HIVEP3: variants seen among roughly 807,000 people sequenced by gnomAD.
The protein encoded by HIVEP3 is transcription factor HIVEP3.
A neutral mutation model predicts 152.8 loss-of-function variants in HIVEP3; 49 were observed. The ratio of observed to expected loss-of-function variants is 0.32; its 90% CI spans 0.26 to 0.41. The LOEUF is 0.41. HIVEP3 is among the 10% of genes least tolerant of loss of function. The pLI, the probability that HIVEP3 is intolerant of heterozygous loss-of-function variation, is 1.00. For synonymous variants in HIVEP3, 1,269 were observed against 1,289.0 expected (o/e 0.98, Z 0.33); for missense variants, 2,790 against 3,103.3 (o/e 0.90, Z 2.40).
Position 41,641,034 on chromosome 1 carries a change from G to T in HIVEP3, c.-720-12087C>A, listed in dbSNP as rs1485976308. On this transcript the variant is annotated intron_variant, in intron 2 of 8. Coordinates refer to ENST00000372583, the MANE Select transcript of HIVEP3 (RefSeq NM_024503.5). ...GGGGTAAGAACAAAATGGTACGGTTGGCTTCCCAGAAAAATCCACCTTCTC... is the reference window on the plus strand; with the variant it reads ...GGGGTAAGAACAAAATGGTACGGTTTGCTTCCCAGAAAAATCCACCTTCTC... Among the ~76,000 whole-genome samples the T allele has an allele frequency of 2.0e-5, 3 of 152,188 alleles. No homozygotes were observed. The East Asian group carries it at 5.8e-4, about 29-fold the overall frequency.
At chr1:41,693,967 G>A (rs1056390479) in intron 2 of HIVEP3, among the ~76,000 whole-genome samples, 1 of 152,004 alleles carries the variant, frequency 6.6e-6, no homozygotes, top group Non-Finnish European at 1.5e-5. Flanking sequence ...ATCTACTTCT[G>A]GGCTCTCTGT....
At chr1:41,724,649 C>T (rs1244735597) in intron 1 of HIVEP3, among the ~76,000 whole-genome samples, 6 of 152,172 alleles carry the variant, frequency 3.9e-5, no homozygotes, top group Admixed American at 1.3e-4. Flanking sequence ...GGCAGCTCCA[C>T]GTCAGTGAGA....
intron 2 of HIVEP3, among the ~76,000 whole-genome samples, chr1:41,663,260 C>A (rs952285552): frequency 6.6e-6 from 1 of 152,222 alleles, no homozygotes; most frequent in African/African-American, 2.4e-5. Context: ...AGGGCTGGCC[C>A]TGGGTTTGGC....
rs970171953 is a variant in HIVEP3 at position 41,509,170 on chromosome 1, G to T, written c.*1281C>A. The T allele has an allele frequency of 1.3e-5, 2 of 152,150 alleles. No homozygotes were observed. Among genetic ancestry groups the T allele is most frequent in the Non-Finnish European group, 2.9e-5 (2 of 68,042 alleles). 9.4% of individuals were successfully genotyped at this position (152,150 alleles called of 1,614,324 possible). On this transcript the variant is annotated 3_prime_UTR_variant, in exon 9 of 9. Transcript: ENST00000372583. ...TTAGGACAATTCAAAAATCCTCTAG[G>T]TCAAAAGAATCTGTGGTGGCTGGGT...
At chr1:41,855,834 G>A (rs1451607845) in intron 1 of HIVEP3, among the ~76,000 whole-genome samples, 1 of 152,190 alleles carries the variant, frequency 6.6e-6, no homozygotes, top group Non-Finnish European at 1.5e-5. Flanking sequence ...TAATTGTCTT[G>A]GTGATGGCCA....
At chr1:41,835,447 G>A (rs1383574885) in intron 1 of HIVEP3, among the ~76,000 whole-genome samples, 1 of 152,180 alleles carries the variant, frequency 6.6e-6, no homozygotes, top group Non-Finnish European at 1.5e-5. Context: ...AATCCTATTA[G>A]TGACTCTTAT....
At chr1:41,896,241 A>G (rs1276388110) in intron 1 of HIVEP3, among the ~76,000 whole-genome samples, 1 of 152,238 alleles carries the variant, frequency 6.6e-6, no homozygotes, top group Admixed American at 6.5e-5. Context: ...AAAACTCTCA[A>G]TACATAGTAG....
chr1:41,940,800 G>C (rs1557531408), intron 1 of HIVEP3, among the ~76,000 whole-genome samples: 2 of 151,858 alleles, frequency 1.3e-5, no homozygotes, highest in African/African-American at 2.4e-5. Flanking sequence ...AGTATAACAG[G>C]AGAGCATGAA....
intron 3 of HIVEP3, 108 bp downstream of exon 3, chr1:41,628,641 T>G: frequency 1.1e-6 from 1 of 882,868 alleles, no homozygotes; most frequent in Non-Finnish European, 1.5e-6. Flanking sequence ...ACGATAACAC[T>G]AATAATAACA....
In HIVEP3 at chr1:41,843,481, T is replaced by A. The variant is rs148181772; in HGVS notation, c.-801+74932A>T. Among the ~76,000 whole-genome samples the A allele has an allele frequency of 2.4e-3, 358 of 151,840 alleles. 1 individual carries two copies. The highest frequency in any genetic ancestry group is 8.4e-3 in the African/African-American group (346 of 41,358). On this transcript the variant is annotated intron_variant, in intron 1 of 8. Coordinates refer to ENST00000372583, the MANE Select transcript of HIVEP3 (RefSeq NM_024503.5). ...TCCGCAATGCTTAGGGAACACGCCATCCTCCCACAAACTCCAGTAAAGAAT... is the reference window on the plus strand; with the variant it reads ...TCCGCAATGCTTAGGGAACACGCCAACCTCCCACAAACTCCAGTAAAGAAT...
chr1:41,695,261 A>G (rs913908668), intron 2 of HIVEP3, among the ~76,000 whole-genome samples: 2 of 152,162 alleles, frequency 1.3e-5, no homozygotes, highest in African/African-American at 2.4e-5. Flanking sequence ...GGCCCTCCAG[A>G]GTCCTCCTCC....
intron 1 of HIVEP3, among the ~76,000 whole-genome samples, chr1:41,979,260 C>G (rs552508350): frequency 1.3e-5 from 2 of 152,204 alleles, no homozygotes; most frequent in African/African-American, 2.4e-5. Context: ...ACTTGGTTCT[C>G]GCTGCTCTCC....
At chr1:41,956,739 T>C (rs75470308) in intron 1 of HIVEP3, among the ~76,000 whole-genome samples, 346 of 152,318 alleles carry the variant, frequency 2.3e-3, no homozygotes, top group African/African-American at 7.9e-3. Flanking sequence ...TTGAAATCCA[T>C]TTTTAATTTT....
intron 1 of HIVEP3, among the ~76,000 whole-genome samples, chr1:41,851,717 GA>G (rs1198231222): frequency 2.0e-5 from 3 of 152,222 alleles, no homozygotes; most frequent in Non-Finnish European, 4.4e-5. Flanking sequence ...CGTGGAAGGA[GA>G]AAAACGTGCC....
chr1:41,989,361 T>C (rs1466329214), intron 1 of HIVEP3, among the ~76,000 whole-genome samples: 1 of 152,154 alleles, frequency 6.6e-6, no homozygotes, highest in Non-Finnish European at 1.5e-5. Context: ...TTTGTATTTG[T>C]CAATTTAAAA....
intron 1 of HIVEP3, among the ~76,000 whole-genome samples, chr1:41,803,495 G>T (rs1370677410): frequency 6.6e-6 from 1 of 152,164 alleles, no homozygotes; most frequent in Admixed American, 6.5e-5. Flanking sequence ...GCCCTGACAT[G>T]TCTGCAAAGT....
At chr1:41,908,745 C>A (rs756360600) in intron 1 of HIVEP3, among the ~76,000 whole-genome samples, 2 of 152,142 alleles carry the variant, frequency 1.3e-5, no homozygotes, top group African/African-American at 4.8e-5. Context: ...GTTAGTAAGA[C>A]GTATTCAGTG....
Position 41,510,720 on chromosome 1 carries a change from G to C in HIVEP3, c.6952C>G (p.Pro2318Ala). The change falls in exon 9 of 9, where the codon CCG (proline) becomes GCG (alanine). Residue 2318 changes from proline (P) to alanine (A), a missense_variant. Pro to Ala is a conservative substitution (Grantham distance 27). This residue lies in a region of HIVEP3 where 816 missense variants were observed against 806.5 expected (regional missense o/e 1.01). Transcript: ENST00000372583. The part of the protein sequence containing the change: ...PCTPPDTLPR[P>A]PQGRRAAQSW... ...TGCGCTGCCCGGCGTCCCTGGGGCG[G>C]CCGGGGCAAGGTGTCGGGTGGGGTG... 1 of 1,537,178 alleles carries C rather than the reference G, an allele frequency of 6.5e-7. No individual in the cohort carries two copies.
rs145028534 is a variant in HIVEP3, at chr1:41,751,945, GC to G, written c.-800-50951del. The stretch of plus-strand genomic sequence containing the variant: ...AGCCTGTGGTGGGTGGAGGATCCAG[GC>G]CTGTTCTCCAACATGACCCTGTCCA... On this transcript the variant is annotated intron_variant, in intron 1 of 8. Transcript: ENST00000372583. Among the ~76,000 whole-genome samples, 46 of 152,252 alleles carry G rather than the reference GC, an allele frequency of 3.0e-4. No homozygotes were observed. In the East Asian group the frequency reaches 7.9e-3, roughly 26 times the overall value.
Sources: allele counts gnomAD v4.1 joint callset (sites outside exome capture counted in the v4.1 genomes callset), GRCh38; gene constraint gnomAD v4.1.1; regional missense constraint gnomAD v4.1.1; transcripts MANE v1.5; gene names NCBI Gene and HGNC (gene_info 2026-07-23, HGNC 2026-07-21).